CFAP61: variants seen among roughly 807,000 people sequenced by gnomAD.
The protein encoded by CFAP61 is cilia- and flagella-associated protein 61.
Under a neutral mutation model 135.6 loss-of-function variants are expected in CFAP61, and 107 were observed. The observed-to-expected ratio is 0.79, with a 90% CI of 0.67 to 0.93. The LOEUF is 0.93. Among genes scored for constraint, CFAP61 ranks in the 40% least tolerant of loss-of-function variants. CFAP61 has a pLI of 0.00. For synonymous variants in CFAP61, 575 were observed against 578.5 expected, an observed-to-expected ratio of 0.99 and a Z score of 0.09; for missense variants, 1,507 against 1,556.2, an observed-to-expected ratio of 0.97 and a Z score of 0.53.
intron 17 of CFAP61, among the ~76,000 whole-genome samples, chr20:20,201,671 A>G (rs1305975805): frequency 6.6e-6 from 1 of 152,216 alleles, no homozygotes; most frequent in Non-Finnish European, 1.5e-5. Flanking sequence ...CCACTGAAAC[A>G]CAGTTTCCAC....
intron 26 of CFAP61, among the ~76,000 whole-genome samples, chr20:20,353,832 G>C (rs1441204271): frequency 1.3e-5 from 2 of 152,202 alleles, no homozygotes; most frequent in East Asian, 3.8e-4. Context: ...TAAAAGGTTG[G>C]CAAGGATGTG....
At chr20:20,143,603 C>G (rs2051599979) in intron 9 of CFAP61, among the ~76,000 whole-genome samples, 1 of 152,180 alleles carries the variant, frequency 6.6e-6, no homozygotes, top group Non-Finnish European at 1.5e-5. Context: ...ATCACTGTAA[C>G]AAAGGCCAGC....
chr20:20,353,236 A>C (rs966690784), intron 26 of CFAP61, among the ~76,000 whole-genome samples: 1 of 152,188 alleles, frequency 6.6e-6, no homozygotes, highest in Non-Finnish European at 1.5e-5. Context: ...CACCAGGTAC[A>C]CTGGAGTTCA....
intron 2 of CFAP61, among the ~76,000 whole-genome samples, chr20:20,063,777 A>G (rs1297144759): frequency 6.6e-6 from 1 of 152,210 alleles, no homozygotes; most frequent in African/African-American, 2.4e-5. Flanking sequence ...TGCAGGTAAT[A>G]TATTCTCTAC....
At chr20:20,052,863 T>TAG in intron 1 of CFAP61, 2 of 770,628 alleles carry the variant, frequency 2.6e-6, no homozygotes, top group Non-Finnish European at 4.1e-6. Context: ...CATTGCATTC[T>TAG]AGTAGTCTCT....
chr20:20,334,863 T>C (rs1191441138), intron 25 of CFAP61, among the ~76,000 whole-genome samples: 3 of 152,226 alleles, frequency 2.0e-5, no homozygotes, highest in African/African-American at 7.2e-5. Flanking sequence ...TCTCAGTCTT[T>C]GGGATTTTTT....
In CFAP61 at chr20:20,085,497, T is replaced by C. The variant is rs746990085; in HGVS notation, c.567-5347T>C. 2.2e-6 allele frequency: 3 copies of C among 1,366,450 alleles called. No homozygotes were observed. The African/African-American group carries it at 4.4e-5, about 20-fold the overall frequency. The allele number at this position is 1,366,450 out of a possible 1,614,324, so 84.6% of individuals were successfully genotyped here. A position where few individuals can be genotyped will look rare whatever the true frequency, so the allele number is the denominator to read the frequency against. On this transcript the variant is annotated intron_variant, in intron 6 of 26. Coordinates refer to ENST00000245957, the MANE Select transcript of CFAP61 (RefSeq NM_015585.4). ...AGAGCCTCTTCAGAACTCCAAGATT[T>C]GGATGTTTTTCTATTTTTCCCAGAA...
At chr20:20,341,281 T>C (rs1187297232) in intron 25 of CFAP61, among the ~76,000 whole-genome samples, 1 of 152,212 alleles carries the variant, frequency 6.6e-6, no homozygotes, top group Admixed American at 6.5e-5. Context: ...TAAGGAAGCA[T>C]TTCAACTTTC....
intron 17 of CFAP61, among the ~76,000 whole-genome samples, chr20:20,214,537 C>G (rs550532233): frequency 6.6e-6 from 1 of 152,298 alleles, no homozygotes; most frequent in African/African-American, 2.4e-5. Context: ...CACCCCAAGC[C>G]CTTCTGTTGA....
At chr20:20,163,816 C>T (rs1160822629) in intron 10 of CFAP61, among the ~76,000 whole-genome samples, 1 of 151,904 alleles carries the variant, frequency 6.6e-6, no homozygotes, top group Non-Finnish European at 1.5e-5. Context: ...TGTTCCCCTC[C>T]CTGTGTCCAT....
Position 20,181,324 on chromosome 20 carries a change from CAT to C in CFAP61, c.1386-6605_1386-6604del, listed in dbSNP as rs1271482531. On this transcript the variant is annotated intron_variant, in intron 13 of 26. Coordinates refer to ENST00000245957, the MANE Select transcript of CFAP61 (RefSeq NM_015585.4). The stretch of plus-strand genomic sequence containing the variant: ...ACATAACCTTGTGTCTAAAACAATT[CAT>C]CCACTCAATTTGGGATTGAAAATCC... 2.8e-5 allele frequency among the ~76,000 whole-genome samples: 4 copies of C among 144,820 alleles called. No individual in the cohort carries two copies. In the East Asian group the frequency reaches 7.9e-4, roughly 29 times the overall value.
chr20:20,114,585 A>G (rs1600725165), intron 8 of CFAP61, among the ~76,000 whole-genome samples: 1 of 152,036 alleles, frequency 6.6e-6, no homozygotes, highest in Non-Finnish European at 1.5e-5. Flanking sequence ...CATGGCTGTT[A>G]TGTTGTAGTG....
In CFAP61 at chr20:20,269,188, CAT is replaced by C. The variant is rs376367660; in HGVS notation, c.2503+6064_2503+6065del. Among the ~76,000 whole-genome samples, 121 of 131,116 alleles carry C rather than the reference CAT, an allele frequency of 9.2e-4. 5 individuals are homozygous for C. The highest frequency in any genetic ancestry group is 2.0e-3 in the African/African-American group (72 of 35,990). 86.0% of individuals were successfully genotyped at this position (131,116 alleles called of 152,430 possible). A position where few individuals can be genotyped will look rare whatever the true frequency, so the allele number is the denominator to read the frequency against. Reference sequence around the variant, plus strand: ...ACATACATATATGTATATACACACACATATATACATATATGTATATATACACA... The same window carrying C: ...ACATACATATATGTATATACACACACATATACATATATGTATATATACACA... On this transcript the variant is annotated intron_variant, in intron 21 of 26. Transcript: ENST00000245957.
In CFAP61 at chr20:20,340,344, A is replaced by G. The variant is rs565864170; in HGVS notation, c.3423-1487A>G. 4.6e-5 allele frequency among the ~76,000 whole-genome samples: 7 copies of G among 152,298 alleles called. No homozygotes were observed. The East Asian group carries it at 1.3e-3, about 29-fold the overall frequency. On this transcript the variant is annotated intron_variant, in intron 25 of 26. Coordinates refer to ENST00000245957, the MANE Select transcript of CFAP61 (RefSeq NM_015585.4). Reference sequence around the variant, plus strand: ...CAAGTTCCTCCAAAGTTAATTTGCCAGGGGTTCAGAGGGAGGCAAGGAGAG... The same window carrying G: ...CAAGTTCCTCCAAAGTTAATTTGCCGGGGGTTCAGAGGGAGGCAAGGAGAG...
chr20:20,174,990 C>G (rs919703776), intron 13 of CFAP61, among the ~76,000 whole-genome samples: 1 of 152,170 alleles, frequency 6.6e-6, no homozygotes, highest in South Asian at 2.1e-4. Flanking sequence ...CAGTCAGTCC[C>G]CTGCACCTGC....
chr20:20,219,753 A>C (rs1441206401), intron 17 of CFAP61, among the ~76,000 whole-genome samples: 2 of 152,234 alleles, frequency 1.3e-5, no homozygotes, highest in Non-Finnish European at 2.9e-5. Context: ...CTCATTATTA[A>C]GACATTCATA....
intron 19 of CFAP61, among the ~76,000 whole-genome samples, chr20:20,251,051 A>G (rs1002813485): frequency 6.6e-6 from 1 of 152,216 alleles, no homozygotes; most frequent in Non-Finnish European, 1.5e-5. Context: ...TATATTCTTG[A>G]AGTAAAATGG....
At chr20:20,178,677 CT>C (rs200484149) in intron 13 of CFAP61, among the ~76,000 whole-genome samples, 2 of 20,960 alleles carry the variant, frequency 9.5e-5, no homozygotes, top group Admixed American at 2.9e-4. Flanking sequence ...TTAATCGATT[CT>C]CCCCCCCACC....
chr20:20,278,294 G>T (rs1403045843), intron 22 of CFAP61, among the ~76,000 whole-genome samples: 1 of 152,184 alleles, frequency 6.6e-6, no homozygotes, highest in Non-Finnish European at 1.5e-5. Flanking sequence ...AACAGCAGTG[G>T]TGAGTCTTTC....
Sources: allele counts gnomAD v4.1 joint callset (sites outside exome capture counted in the v4.1 genomes callset), GRCh38; gene constraint gnomAD v4.1.1; transcripts MANE v1.5; gene names NCBI Gene and HGNC (gene_info 2026-07-23, HGNC 2026-07-21).